SRSF1: variants seen among roughly 807,000 people sequenced by gnomAD.
SRSF1 encodes serine and arginine rich splicing factor 1, also known as serine/arginine-rich splicing factor 1.
A neutral mutation model predicts 25.9 loss-of-function variants in SRSF1; 1 was observed. That is an observed-to-expected ratio of 0.04 (90% confidence interval 0.01 to 0.18). SRSF1 has a LOEUF of 0.18. Ranked by LOEUF, SRSF1 falls within the 10% of genes least tolerant of loss-of-function variation. The pLI is 1.00. For synonymous variants in SRSF1, 132 were observed against 126.2 expected, an observed-to-expected ratio of 1.05 and a Z score of -0.31; for missense variants, 65 against 350.5, an observed-to-expected ratio of 0.19 and a Z score of 6.50.
chr17:57,996,206 C>T (rs1006689567), downstream of SRSF1, among the ~76,000 whole-genome samples: 13 of 151,862 alleles, frequency 8.6e-5, no homozygotes, highest in African/African-American at 2.7e-4. Context: ...TTTGGGGAGC[C>T]GGGCGCGGTG....
At chr17:57,996,038 C>G (rs1215852036), downstream of SRSF1, among the ~76,000 whole-genome samples, 1 of 152,178 alleles carries the variant, frequency 6.6e-6, no homozygotes, top group Non-Finnish European at 1.5e-5. Flanking sequence ...TAAGAATATG[C>G]ATGATCTGAC....
chr17:58,006,575 A>T (rs1404916762), intron 1 of SRSF1, 48 bp from the exon 2 acceptor site: 1 of 1,546,474 alleles, frequency 6.5e-7, no homozygotes, highest in Non-Finnish European at 8.7e-7. Context: ...CAGGAGGAGA[A>T]GCTCGCTCAG....
chr17:58,006,352 C>T lies in SRSF1; in HGVS notation c.370G>A (p.Val124Ile). The T allele has an allele frequency of 2.5e-6, 4 of 1,611,950 alleles. No individual in the cohort carries two copies. Among genetic ancestry groups the T allele is most frequent in the Non-Finnish European group, 3.4e-6 (4 of 1,179,294 alleles). ...CAACCAGTACACTCACCAGAGACAACCACTCTGTTTTCAGACCGCCTGGAT... is the reference window on the plus strand; with the variant it reads ...CAACCAGTACACTCACCAGAGACAATCACTCTGTTTTCAGACCGCCTGGAT... ...PPSRRSENRV[V>I]VSGLPPSGSW... The change falls in exon 2 of 4, where the codon GTT becomes ATT. Residue 124 changes from valine (V) to isoleucine (I), a missense_variant. Val to Ile is a conservative substitution (Grantham distance 29). Transcript: ENST00000258962.
Position 58,005,894 on chromosome 17 carries a change from G to A in SRSF1, c.459C>T (p.Tyr153=), listed in dbSNP as rs149321401. The change falls in exon 3 of 4, where the codon TAC becomes TAT. Residue 153 remains tyrosine, a synonymous_variant. Transcript: ENST00000258962. This position sits in a 1 kb window ranked among gnomAD's most constrained non-coding sequence, Gnocchi z 5.2. ...EAGDVCYADV[Y]RDGTGVVEFV... is the part of the protein sequence containing the mutation. The stretch of plus-strand genomic sequence containing the variant: ...ACTCCACGACACCAGTGCCATCTCG[G>A]TAAACATCAGCATAACATACATCAC... 1.9e-6 allele frequency: 3 copies of A among 1,613,888 alleles called. No individual in the cohort carries two copies. The African/African-American group carries it at 4.0e-5, about 22-fold the overall frequency.
At chr17:57,998,424 CCT>C (rs1439885252), downstream of SRSF1, among the ~76,000 whole-genome samples, 2 of 152,160 alleles carry the variant, frequency 1.3e-5, no homozygotes, top group African/African-American at 4.8e-5. Flanking sequence ...AAAGACTCCT[CCT>C]CTAATACACA....
rs542300631 is a variant in SRSF1 at position 58,004,823 on chromosome 17, T to A, written c.*583A>T. On this transcript the variant is annotated 3_prime_UTR_variant, in exon 4 of 4. Transcript: ENST00000258962. ...GACAACTGAATAAAATGTTTGCAAG[T>A]GTTTTAAGGAAAATGTATATAATCA... 2.1e-4 allele frequency: 82 copies of A among 397,214 alleles called. 1 individual carries two copies. The highest frequency in any genetic ancestry group is 1.2e-3 in the African/African-American group (59 of 48,730). 24.6% of individuals were successfully genotyped at this position (397,214 alleles called of 1,614,324 possible). A position where few individuals can be genotyped will look rare whatever the true frequency, so the allele number is the denominator to read the frequency against.
At chr17:57,992,134 TTAAAGC>T in the SRSF1 span, 4 of 152,214 alleles carry the variant, frequency 2.6e-5, no homozygotes, top group East Asian at 5.8e-4. Context: ...GCTTCATCCA[TTAAAGC>T]ATTTGCATAG....
At chr17:57,997,691 A>T (rs1423730554), downstream of SRSF1, among the ~76,000 whole-genome samples, 3 of 152,246 alleles carry the variant, frequency 2.0e-5, no homozygotes, top group Non-Finnish European at 4.4e-5. Context: ...TGATATGGCA[A>T]CTGGAGATGG....
downstream of SRSF1, among the ~76,000 whole-genome samples, chr17:57,998,135 G>A (rs187604190): frequency 1.6e-3 from 240 of 152,232 alleles, no homozygotes; most frequent in East Asian, 4.8e-3. Context: ...GCTTGAACCC[G>A]GGAGGCGGAG....
At chr17:57,998,431 TACACAGCACCTGAGG>T (rs1239589330), downstream of SRSF1, among the ~76,000 whole-genome samples, 1 of 152,138 alleles carries the variant, frequency 6.6e-6, no homozygotes, top group Non-Finnish European at 1.5e-5. Flanking sequence ...CCTCCTCTAA[TACACAGCACCTGAGG>T]GAACAATTCT....
chr17:58,000,862 T>C (rs1268666396), downstream of SRSF1, among the ~76,000 whole-genome samples: 1 of 152,156 alleles, frequency 6.6e-6, no homozygotes, highest in African/African-American at 2.4e-5. Flanking sequence ...GTGCAATGAA[T>C]AATGAAGTTC....
At chr17:57,996,534 G>C (rs1306682352), downstream of SRSF1, among the ~76,000 whole-genome samples, 2 of 143,954 alleles carry the variant, frequency 1.4e-5, no homozygotes, top group African/African-American at 2.6e-5. Flanking sequence ...CTATGTAGCT[G>C]AAGAAAACAA....
chr17:57,992,473 T>TA, the SRSF1 span: 5 of 151,542 alleles, frequency 3.3e-5, no homozygotes, highest in African/African-American at 4.9e-5. Flanking sequence ...GTAAAAGTAG[T>TA]AAAAAATAAA....
intron 1 of SRSF1, 194 bp from the exon 2 acceptor site, chr17:58,006,721 GT>G: frequency 1.1e-6 from 1 of 897,604 alleles, no homozygotes; most frequent in Non-Finnish European, 1.6e-6. Context: ...CAGCGCCTCA[GT>G]TTCCCGCTCC....
At chr17:57,996,468 T>A, downstream of SRSF1, among the ~76,000 whole-genome samples, 1 of 94,064 alleles carries the variant, frequency 1.1e-5, no homozygotes, top group Non-Finnish European at 1.9e-5. Context: ...CAGGTGACAG[T>A]GCAAGACACT....
chr17:57,991,875 C>G, the SRSF1 span: 1 of 152,182 alleles, frequency 6.6e-6, no homozygotes, highest in Non-Finnish European at 1.5e-5. Context: ...TCCTGAATAC[C>G]CATTTAAGTT....
chr17:58,002,938 A>T lies in SRSF1; in HGVS notation c.*2468T>A, dbSNP rs1482066082. ...TGAGGCACGAGAATCACTCAAATCCAGGGGTGGAGGTTGCAGTGAGCCTAG... is the reference window on the plus strand; with the variant it reads ...TGAGGCACGAGAATCACTCAAATCCTGGGGTGGAGGTTGCAGTGAGCCTAG... On this transcript the variant is annotated 3_prime_UTR_variant, in exon 4 of 4. Transcript: ENST00000258962. Among the ~76,000 whole-genome samples the T allele has an allele frequency of 2.0e-5, 3 of 152,176 alleles. No individual in the cohort carries two copies. The highest frequency in any genetic ancestry group is 7.2e-5 in the African/African-American group (3 of 41,456).
Position 58,005,995 on chromosome 17 carries a change from T to C in SRSF1, c.380-22A>G. On this transcript the variant is annotated intron_variant, in intron 2 of 3. Transcript: ENST00000258962. The surrounding 1 kb of genome is among the most constrained non-coding windows in gnomAD (Gnocchi z 5.2). ...AGTCCTGAAAAAGTGATTTTTTTTT[T>C]CTTAGTACCAATTATCTTAAATTTC... 8 of 1,601,012 alleles carry C rather than the reference T, an allele frequency of 5.0e-6. 1 individual carries two copies. The South Asian group carries it at 8.8e-5, about 18-fold the overall frequency.
Position 58,007,000 on chromosome 17 carries a change from G to A in SRSF1, c.138C>T (p.Asp46=), listed in dbSNP as rs780730734. Residue 46 remains aspartate (D), a synonymous_variant, in exon 1 of 4, where the codon GAC becomes GAT. Transcript: ENST00000258962. ...FYKYGAIRDI[D]LKNRRGGPPF... ...GCGGTCCCCCGCGGCGATTCTTGAG[G>A]TCGATGTCGCGGATAGCGCCGTATT... is the stretch of plus-strand genomic sequence containing the variant. The A allele has an allele frequency of 1.7e-5, 28 of 1,614,134 alleles. No homozygotes were observed. The highest frequency in any genetic ancestry group is 1.3e-4 in the African/African-American group (10 of 74,944).
Sources: gnomAD v4.1 joint callset for allele counts (sites outside exome capture counted in the v4.1 genomes callset) on GRCh38, gnomAD v4.1.1 for gene constraint, Gnocchi (gnomAD v3.1) non-coding constraint, MANE v1.5 for transcripts, NCBI Gene and HGNC (gene_info 2026-07-23, HGNC 2026-07-21) for gene names.